Variants in RAD52 observed in about 807,000 individuals in gnomAD.
RAD52 encodes the protein RAD52 DNA repair protein.
Under a neutral mutation model 55.5 loss-of-function variants are expected in RAD52, and 47 were observed. That is an observed-to-expected ratio of 0.85 (90% CI 0.67 to 1.08). The LOEUF is 1.08. Among genes scored for constraint, RAD52 ranks in the 50% least tolerant of loss-of-function variants. The probability of loss-of-function intolerance (pLI) is 0.00; values close to 1 mark genes in which losing one functional copy is unlikely to be tolerated. For missense variants in RAD52, 468 were observed against 522.8 expected, an observed-to-expected ratio of 0.90 and a Z score of 1.02; for synonymous variants, 184 against 198.9, an observed-to-expected ratio of 0.92 and a Z score of 0.63.
chr12:914,359 T>C, intron 10 of RAD52, 72 bp downstream of exon 10: 1 of 1,577,714 alleles, frequency 6.3e-7, no homozygotes, highest in Non-Finnish European at 8.6e-7. Context: ...GATTTTTATG[T>C]CGCCTAAAAG....
chr12:929,651 TA>T, intron 5 of RAD52, 167 bp downstream of exon 5: 1 of 794,866 alleles, frequency 1.3e-6, no homozygotes, highest in Admixed American at 1.7e-5. Flanking sequence ...TCCATTCTTT[TA>T]GGGAGCACAT....
chr12:988,531 T>C (rs1959118614), intron 1 of RAD52, among the ~76,000 whole-genome samples: 1 of 152,162 alleles, frequency 6.6e-6, no homozygotes, highest in Non-Finnish European at 1.5e-5. Context: ...TGCAGCTGGG[T>C]AATTTATAAA....
chr12:985,536 C>A (rs1302117857), intron 1 of RAD52, among the ~76,000 whole-genome samples: 1 of 152,148 alleles, frequency 6.6e-6, no homozygotes, highest in South Asian at 2.1e-4. Context: ...CCTATATTTT[C>A]TTCTATGAGT....
At chr12:981,676 G>C (rs151098632) in intron 1 of RAD52, among the ~76,000 whole-genome samples, 1 of 151,574 alleles carries the variant, frequency 6.6e-6, no homozygotes, top group Non-Finnish European at 1.5e-5. Flanking sequence ...ATAATCGCTC[G>C]AGCCCAGGAG....
rs371301882 is a variant in RAD52, at chr12:913,999, T to C, written c.1090A>G (p.Met364Val). 11 of 1,614,040 alleles carry C rather than the reference T, an allele frequency of 6.8e-6. No individual in the cohort carries two copies. In the African/African-American group the frequency reaches 1.3e-4, roughly 20 times the overall value. ...TGTGGAGTCCTGTTCTGGGTCACCA[T>C]CTGGTTGTTCAAGGCTAATGTGTCA... is the stretch of plus-strand genomic sequence containing the variant. Reference protein sequence around the residue: ...TSDTLALNNQMVTQNRTPHSV... With the variant: ...TSDTLALNNQVVTQNRTPHSV... Residue 364 changes from methionine to valine, a missense_variant, in exon 11 of 12, where the codon ATG becomes GTG. Met to Val is a conservative substitution (Grantham distance 21, BLOSUM62 1). Coordinates refer to ENST00000358495, the MANE Select transcript of RAD52 (RefSeq NM_134424.4).
intron 1 of RAD52, among the ~76,000 whole-genome samples, chr12:965,491 C>A (rs1440858746): frequency 6.6e-6 from 1 of 152,128 alleles, no homozygotes; most frequent in African/African-American, 2.4e-5. Context: ...CAAATCTCAT[C>A]TGTCCTCCTC....
intron 6 of RAD52, 129 bp from the exon 7 acceptor site, chr12:925,654 T>C: frequency 1.5e-6 from 1 of 689,424 alleles, no homozygotes; most frequent in East Asian, 2.7e-5. Context: ...CTAACATGCA[T>C]TCCCCATTGA....
chr12:962,811 C>G (rs1296410043), intron 1 of RAD52, among the ~76,000 whole-genome samples: 1 of 152,214 alleles, frequency 6.6e-6, no homozygotes, highest in Non-Finnish European at 1.5e-5. Flanking sequence ...CTCCCTGGCT[C>G]TAGCCATCCT....
intron 1 of RAD52, among the ~76,000 whole-genome samples, chr12:987,296 G>A (rs1347951813): frequency 6.6e-6 from 1 of 151,852 alleles, no homozygotes; most frequent in African/African-American, 2.4e-5. Flanking sequence ...TCCTTTTATG[G>A]GCTCCTTTTT....
upstream of RAD52, among the ~76,000 whole-genome samples, chr12:953,960 C>T (rs149667255): frequency 1.1e-4 from 17 of 152,308 alleles, no homozygotes; most frequent in Admixed American, 8.5e-4. Flanking sequence ...TGCTCTCCAC[C>T]GCCCTTGCAT....
Position 927,146 on chromosome 12 carries a change from T to G in RAD52, c.466A>C (p.Arg156=), listed in dbSNP as rs1320726430. Residue 156 remains arginine (R), a splice_region_variant and synonymous_variant, in exon 6 of 12, where the codon AGG becomes CGG. Transcript: ENST00000358495. ...TTAGACTCCCAGCCCCGCGCTCACC[T>G]GAGGGCTCGCTTCAGCCCGTCTGTC... ...AVTDGLKRAL[R]SFGNALGNCI... is the part of the protein sequence containing the mutation. 6.2e-7 allele frequency: 1 copy of G among 1,613,466 alleles called. No individual in the cohort carries two copies. The highest frequency in any genetic ancestry group is 1.3e-5 in the African/African-American group (1 of 75,018).
At chr12:970,517 A>G (rs763055244) in intron 1 of RAD52, among the ~76,000 whole-genome samples, 8 of 152,202 alleles carry the variant, frequency 5.3e-5, no homozygotes, top group Non-Finnish European at 1.2e-4. Flanking sequence ...ATTTATTTTT[A>G]CCAAAAGACT....
intron 6 of RAD52, 45 bp from the exon 7 acceptor site, chr12:925,570 A>C (rs1449413481): frequency 7.0e-7 from 1 of 1,430,322 alleles, no homozygotes; most frequent in Non-Finnish European, 9.9e-7. Flanking sequence ...AAGAATTGTT[A>C]CACATGAATA....
At chr12:969,371 CTT>C (rs1457501039) in intron 1 of RAD52, among the ~76,000 whole-genome samples, 1 of 151,924 alleles carries the variant, frequency 6.6e-6, no homozygotes, top group African/African-American at 2.4e-5. Flanking sequence ...TTAGATGAGA[CTT>C]TGGTGGGGCT....
chr12:924,397 G>A (rs932796696), intron 7 of RAD52, among the ~76,000 whole-genome samples: 1 of 152,146 alleles, frequency 6.6e-6, no homozygotes, highest in Non-Finnish European at 1.5e-5. Context: ...GCGACAGAGC[G>A]AGACTCCGTC....
intron 1 of RAD52, among the ~76,000 whole-genome samples, chr12:983,614 T>A (rs188238548): frequency 6.6e-6 from 1 of 152,184 alleles, no homozygotes; most frequent in African/African-American, 2.4e-5. Flanking sequence ...GAGACAGGGT[T>A]TCTCCATGTT....
intron 1 of RAD52, among the ~76,000 whole-genome samples, chr12:957,863 G>T (rs543261996): frequency 6.6e-6 from 1 of 152,360 alleles, no homozygotes; most frequent in South Asian, 2.1e-4. Flanking sequence ...TGGGCTTTAC[G>T]CATATTAATT....
Position 963,824 on chromosome 12 carries a change from T to TA in RAD52, c.-19+25984dup, listed in dbSNP as rs372579759. On this transcript the variant is annotated intron_variant, in intron 1 of 11. Transcript: ENST00000430095. ...CGTAAGCAATAAAATTATCGGCAAG[T>TA]AAAAAAAAAAAGAAAGAAAAGAAAA... Among the ~76,000 whole-genome samples, 427 of 142,510 alleles carry TA rather than the reference T, an allele frequency of 3.0e-3. 1 individual carries two copies. Among genetic ancestry groups the TA allele is most frequent in the African/African-American group, 9.4e-3 (366 of 38,858 alleles). The allele number at this position is 142,510 out of a possible 152,430, so 93.5% of individuals were successfully genotyped here.
intron 7 of RAD52, among the ~76,000 whole-genome samples, chr12:924,325 G>A (rs554123315): frequency 4.0e-5 from 6 of 151,822 alleles, no homozygotes; most frequent in East Asian, 3.9e-4. Flanking sequence ...CAGGAGCATC[G>A]CTGGAACCCA....
Sources: allele counts gnomAD v4.1 joint callset (sites outside exome capture counted in the v4.1 genomes callset), GRCh38; gene constraint gnomAD v4.1.1; transcripts MANE v1.5; gene names NCBI Gene and HGNC (gene_info 2026-07-23, HGNC 2026-07-21).